The following KIF13A variants were observed in gnomAD, a reference collection of about 807,000 sequenced individuals.
KIF13A encodes kinesin-like protein KIF13A.
KIF13A carries 79 observed loss-of-function variants against 212.2 expected under a neutral mutation model. The observed-to-expected ratio is 0.37, with a 90% CI of 0.31 to 0.45. The LOEUF is 0.45. Ranked by LOEUF, KIF13A falls within the 20% of genes least tolerant of loss-of-function variation. The pLI, the probability that KIF13A is intolerant of heterozygous loss-of-function variation, is 1.00. For synonymous variants in KIF13A, 789 were observed against 808.6 expected (o/e 0.98, Z 0.41); for missense variants, 1,901 against 2,209.0 (o/e 0.86, Z 2.79).
chr6:17,878,997 G>A (rs1222301508), intron 3 of KIF13A, among the ~76,000 whole-genome samples: 1 of 152,162 alleles, frequency 6.6e-6, no homozygotes, highest in African/African-American at 2.4e-5. Context: ...TTGGAGTATA[G>A]GTTGTTATTT....
chr6:17,831,349 A>G (rs914878420), intron 12 of KIF13A, 114 bp from the exon 13 acceptor site: 11 of 1,170,506 alleles, frequency 9.4e-6, no homozygotes, highest in Non-Finnish European at 1.2e-5. Context: ...GGGATTACAC[A>G]TGCTACTCTG....
rs1244212643 is a variant in KIF13A at position 17,816,062 on chromosome 6, C to T, written c.2000+958G>A. ...AGCTGGGATTACAGGCGCCTGCCAC[C>T]ATGCGCTGCTATTTTTTCTTTTTTT... On this transcript the variant is annotated intron_variant, in intron 17 of 38. Coordinates refer to ENST00000259711, the MANE Select transcript of KIF13A (RefSeq NM_022113.6). This position sits in a 1 kb window ranked among gnomAD's most constrained non-coding sequence, Gnocchi z 4.3. Among the ~76,000 whole-genome samples, 4 of 151,888 alleles carry T rather than the reference C, an allele frequency of 2.6e-5. No individual in the cohort carries two copies. The highest frequency in any genetic ancestry group is 5.9e-5 in the Non-Finnish European group (4 of 67,962).
At position 17,951,408 on chromosome 6, in the gene KIF13A, G is replaced by C; in HGVS notation, c.146+35646C>G. 1.7e-6 allele frequency: 1 copy of C among 592,876 alleles called. No homozygotes were observed. Among genetic ancestry groups the C allele is most frequent in the Non-Finnish European group, 3.0e-6 (1 of 330,234 alleles). 36.7% of individuals were successfully genotyped at this position (592,876 alleles called of 1,614,324 possible). ...GGCCTCCCAAAGTGCTGGAATTAGA[G>C]ATGTGAGCCACTGTGACCAGCCTCA... On this transcript the variant is annotated intron_variant, in intron 2 of 38. Transcript: ENST00000259711. The surrounding 1 kb of genome is among the most constrained non-coding windows in gnomAD (Gnocchi z 4.9).
chr6:17,949,494 CA>C (rs1777685250), intron 2 of KIF13A, among the ~76,000 whole-genome samples: 1 of 151,666 alleles, frequency 6.6e-6, no homozygotes, highest in Non-Finnish European at 1.5e-5. Context: ...TAACTGCATA[CA>C]GGGTCTCTAA....
intron 2 of KIF13A, among the ~76,000 whole-genome samples, chr6:17,966,410 A>C (rs960621832): frequency 1.3e-5 from 2 of 151,068 alleles, no homozygotes; most frequent in Non-Finnish European, 2.9e-5. Context: ...AAGGGACTTA[A>C]TATCTTGAAA....
chr6:17,863,520 C>T (rs1452288492), intron 4 of KIF13A, among the ~76,000 whole-genome samples: 1 of 151,780 alleles, frequency 6.6e-6, no homozygotes, highest in Non-Finnish European at 1.5e-5. Flanking sequence ...AACTCGTGGC[C>T]GGAGTTATAC....
In KIF13A at chr6:17,778,934, T is replaced by A; in HGVS notation, c.4092+13A>T. The A allele has an allele frequency of 6.4e-7, 1 of 1,565,876 alleles. No individual in the cohort carries two copies. Among genetic ancestry groups the A allele is most frequent in the Non-Finnish European group, 8.7e-7 (1 of 1,154,708 alleles). ...GGTGCTTTCATCCTCGGTCCAGATA[T>A]TCAGTTACTTGCCTGCCGGAGCCGT... On this transcript the variant is annotated intron_variant, in intron 33 of 38. Transcript: ENST00000259711.
chr6:17,824,808 CCT>C (rs931693489), intron 16 of KIF13A, among the ~76,000 whole-genome samples: 2 of 151,680 alleles, frequency 1.3e-5, no homozygotes, highest in East Asian at 1.9e-4. Flanking sequence ...CTTCAAGCCC[CCT>C]GTCAGGTAGA....
chr6:17,858,678 T>C (rs184997996), intron 4 of KIF13A, among the ~76,000 whole-genome samples: 3 of 152,332 alleles, frequency 2.0e-5, no homozygotes, highest in Admixed American at 1.3e-4. Flanking sequence ...TTAGGATTGC[T>C]TGTGGTCCTC....
In KIF13A at chr6:17,816,540, A is replaced by C. The variant is rs1190734123; in HGVS notation, c.2000+480T>G. The stretch of plus-strand genomic sequence containing the variant: ...ACTATGTTGCCTGGGCTGGATTCAA[A>C]CTCCTGGGCTTAAGTGATCCTCCCG... On this transcript the variant is annotated intron_variant, in intron 17 of 38. Transcript: ENST00000259711. This position sits in a 1 kb window ranked among gnomAD's most constrained non-coding sequence, Gnocchi z 4.3. 6.6e-6 allele frequency among the ~76,000 whole-genome samples: 1 copy of C among 150,724 alleles called. No individual in the cohort carries two copies. The highest frequency in any genetic ancestry group is 2.0e-4 in the East Asian group (1 of 5,038).
intron 2 of KIF13A, among the ~76,000 whole-genome samples, chr6:17,985,634 G>A (rs1284751667): frequency 9.1e-6 from 1 of 110,392 alleles, no homozygotes; most frequent in East Asian, 3.2e-4. Context: ...GCAGTTTGCG[G>A]GGGGGTGGGG....
At position 17,774,881 on chromosome 6, in the gene KIF13A, G is replaced by T. The variant is rs1217618680; in HGVS notation, c.4218+134C>A. 7 of 589,676 alleles carry T rather than the reference G, an allele frequency of 1.2e-5. No individual in the cohort carries two copies. The African/African-American group carries it at 1.4e-4, about 11-fold the overall frequency. 36.5% of individuals were successfully genotyped at this position (589,676 alleles called of 1,614,324 possible). ...TTACAATTAAGATGGGAAGCCCAGA[G>T]ATTTTTCTTTTTCTTTTTTTTTAAA... is the stretch of plus-strand genomic sequence containing the variant. On this transcript the variant is annotated intron_variant, in intron 35 of 38. Coordinates refer to ENST00000259711, the MANE Select transcript of KIF13A (RefSeq NM_022113.6).
chr6:17,814,641 TC>T (rs1763767183), intron 17 of KIF13A, among the ~76,000 whole-genome samples: 1 of 152,144 alleles, frequency 6.6e-6, no homozygotes, highest in Admixed American at 6.5e-5. Context: ...TTTTTTCACT[TC>T]CTAGATGGTT....
rs528324519 is a variant in KIF13A at position 17,912,389 on chromosome 6, G to A, written c.147-14209C>T. 3.9e-4 allele frequency among the ~76,000 whole-genome samples: 59 copies of A among 152,184 alleles called. No homozygotes were observed. Among genetic ancestry groups the A allele is most frequent in the Non-Finnish European group, 7.5e-4 (51 of 68,034 alleles). On this transcript the variant is annotated intron_variant, in intron 2 of 38. Coordinates refer to ENST00000259711, the MANE Select transcript of KIF13A (RefSeq NM_022113.6). This position sits in a 1 kb window ranked among gnomAD's most constrained non-coding sequence, Gnocchi z 4.2. ...GGTTCAGTTCTATCACCCAAACTGG[G>A]AGTGATCTTGATAACAGCATCAGCC...
intron 14 of KIF13A, among the ~76,000 whole-genome samples, chr6:17,827,617 C>G (rs75076534): frequency 0.27 from 39,432 of 148,060 alleles, 5,489 homozygotes; most frequent in South Asian, 0.39. Context: ...TCTTGAGCTT[C>G]AGTGATCCTC....
chr6:17,775,943 G>A (rs554171410), intron 34 of KIF13A, among the ~76,000 whole-genome samples: 2 of 151,896 alleles, frequency 1.3e-5, no homozygotes, highest in South Asian at 2.1e-4. Context: ...GTGCAATGGC[G>A]CAATCTCGGC....
Position 17,963,441 on chromosome 6 carries a change from TAGA to T in KIF13A, c.146+23610_146+23612del, listed in dbSNP as rs1282467113. Among the ~76,000 whole-genome samples, 1 of 151,858 alleles carries T rather than the reference TAGA, an allele frequency of 6.6e-6. No individual in the cohort carries two copies. Among genetic ancestry groups the T allele is most frequent in the Non-Finnish European group, 1.5e-5 (1 of 67,956 alleles). Reference sequence around the variant, plus strand: ...CTCAAAAAAAATAAATAAATAAAAATAGAAGAGCATCATGTGAAGTAACATGGA... The same window carrying T: ...CTCAAAAAAAATAAATAAATAAAAATAGAGCATCATGTGAAGTAACATGGA... On this transcript the variant is annotated intron_variant, in intron 2 of 38. Transcript: ENST00000259711. The surrounding 1 kb of genome is among the most constrained non-coding windows in gnomAD (Gnocchi z 4.1).
intron 2 of KIF13A, among the ~76,000 whole-genome samples, chr6:17,980,402 T>C (rs1780960253): frequency 6.6e-6 from 1 of 151,402 alleles, no homozygotes; most frequent in South Asian, 2.1e-4. Context: ...GGAAGGAAAA[T>C]AGAAAAATAG....
At chr6:17,791,518 G>A (rs1761552926) in intron 25 of KIF13A, among the ~76,000 whole-genome samples, 1 of 152,072 alleles carries the variant, frequency 6.6e-6, no homozygotes, top group Admixed American at 6.6e-5. Flanking sequence ...CTCTTAAAGA[G>A]CACATAGCAC....
Sources: gnomAD v4.1 joint callset for allele counts (sites outside exome capture counted in the v4.1 genomes callset) on GRCh38, gnomAD v4.1.1 for gene constraint, Gnocchi (gnomAD v3.1) non-coding constraint, MANE v1.5 for transcripts, NCBI Gene and HGNC (gene_info 2026-07-23, HGNC 2026-07-21) for gene names.